The following SNX27 variants were observed in gnomAD, a reference collection of about 807,000 sequenced individuals.
SNX27 encodes sorting nexin-27.
Under a neutral mutation model 71.6 loss-of-function variants are expected in SNX27, and 22 were observed. The ratio of observed to expected loss-of-function variants is 0.31; its 90% CI spans 0.22 to 0.44. The LOEUF (loss-of-function observed/expected upper bound fraction) is 0.44, where lower values mean the gene tolerates loss of function less well. SNX27 is among the 20% of genes least tolerant of loss of function. The probability of loss-of-function intolerance (pLI) is 1.00; values close to 1 mark genes in which losing one functional copy is unlikely to be tolerated. For missense variants in SNX27, 531 were observed against 698.6 expected (o/e 0.76, Z 2.70); for synonymous variants, 269 against 277.2 (o/e 0.97, Z 0.29).
intron 2 of SNX27, among the ~76,000 whole-genome samples, chr1:151,654,728 T>G (rs900129675): frequency 2.0e-5 from 3 of 152,132 alleles, no homozygotes; most frequent in African/African-American, 7.2e-5. Context: ...TGTTATAACA[T>G]GAAGGAAGGC....
intron 5 of SNX27, among the ~76,000 whole-genome samples, chr1:151,665,030 C>T (rs1670130218): frequency 6.6e-6 from 1 of 152,096 alleles, no homozygotes. Context: ...CATATGTGAG[C>T]AGATATGAGA....
chr1:151,647,915 A>T (rs1355686124), intron 2 of SNX27, among the ~76,000 whole-genome samples: 1 of 152,108 alleles, frequency 6.6e-6, no homozygotes, highest in Non-Finnish European at 1.5e-5. Flanking sequence ...AGCAAGGTAT[A>T]TTTGGGGAGA....
intron 1 of SNX27, among the ~76,000 whole-genome samples, chr1:151,631,098 A>G (rs776069242): frequency 2.0e-5 from 3 of 152,254 alleles, no homozygotes; most frequent in Non-Finnish European, 2.9e-5. Context: ...TTAGATGAAA[A>G]GGAGACAAAC....
chr1:151,644,298 T>C (rs927287505), intron 2 of SNX27, among the ~76,000 whole-genome samples: 1 of 152,172 alleles, frequency 6.6e-6, no homozygotes, highest in Non-Finnish European at 1.5e-5. Context: ...TTTCCAAACC[T>C]CCCATCCCCT....
rs369713998 is a variant in SNX27, at chr1:151,638,963, C to T, written c.387C>T (p.Ile129=). The T allele has an allele frequency of 2.5e-6, 4 of 1,614,022 alleles. No homozygotes were observed. Among genetic ancestry groups the T allele is most frequent in the East Asian group, 2.2e-5 (1 of 44,898 alleles). ...TTCGAGCAGGCGAGAAGGAATTGAT[C>T]TTGACAGTGTTATCTGTACCTCCTC... ...DLIRAGEKEL[I]LTVLSVPPHE... is the part of the protein sequence containing the mutation. Residue 129 remains isoleucine, a synonymous_variant, in exon 2 of 12, where the codon ATC becomes ATT. Coordinates refer to ENST00000458013, the MANE Select transcript of SNX27 (RefSeq NM_001330723.2).
chr1:151,693,302 TGTCA>T (rs1671543567), intron 10 of SNX27, 118 bp from the exon 11 acceptor site: 1 of 1,073,034 alleles, frequency 9.3e-7, no homozygotes, highest in African/African-American at 1.6e-5. Context: ...TTATGGTACT[TGTCA>T]GGGTTTTTCT....
chr1:151,614,537 G>T (rs1339910898), intron 1 of SNX27: 2 of 152,134 alleles, frequency 1.3e-5, no homozygotes, highest in East Asian at 3.9e-4. Flanking sequence ...GGCCAGGCTG[G>T]TCTGAAACTC....
intron 7 of SNX27, among the ~76,000 whole-genome samples, chr1:151,674,496 GT>G (rs1293370680): frequency 1.3e-5 from 2 of 151,942 alleles, no homozygotes; most frequent in Non-Finnish European, 2.9e-5. Flanking sequence ...CTTTTTCCAT[GT>G]TTTCAAACCA....
At chr1:151,674,116 C>G (rs531295205) in intron 7 of SNX27, among the ~76,000 whole-genome samples, 1 of 151,700 alleles carries the variant, frequency 6.6e-6, no homozygotes, top group African/African-American at 2.4e-5. Flanking sequence ...TCATCTTTTC[C>G]TTCTTTCCTT....
At position 151,653,841 on chromosome 1, in the gene SNX27, T is replaced by TG. The variant is rs1478115267; in HGVS notation, c.544-4394_544-4393insG. Among the ~76,000 whole-genome samples the TG allele has an allele frequency of 4.1e-4, 61 of 149,572 alleles. 1 individual carries two copies. Among genetic ancestry groups the TG allele is most frequent in the Admixed American group, 3.9e-3 (58 of 15,044 alleles). On this transcript the variant is annotated intron_variant, in intron 2 of 11. Coordinates refer to ENST00000458013, the MANE Select transcript of SNX27 (RefSeq NM_001330723.2). ...CAGCCTGGAGAGTTTTTTTTGTTTT[T>TG]TTTTTTTTTTGAGATGGAGTCTTGC...
At chr1:151,633,803 T>A (rs1295684259) in intron 1 of SNX27, among the ~76,000 whole-genome samples, 1 of 152,216 alleles carries the variant, frequency 6.6e-6, no homozygotes, top group African/African-American at 2.4e-5. Context: ...GTTTTTCCTT[T>A]TTATTCCTTT....
chr1:151,658,113 A>T (rs970040318), intron 2 of SNX27, 122 bp from the exon 3 acceptor site: 2 of 837,494 alleles, frequency 2.4e-6, no homozygotes, highest in Non-Finnish European at 3.6e-6. Flanking sequence ...GTGAGCTTGA[A>T]TATAGTCTTT....
chr1:151,694,288 C>A, intron 11 of SNX27, 82 bp from the exon 12 acceptor site: 5 of 1,537,486 alleles, frequency 3.3e-6, no homozygotes, highest in Non-Finnish European at 4.4e-6. Flanking sequence ...CCAGGCATAC[C>A]TTTTTAGCTT....
intron 8 of SNX27, among the ~76,000 whole-genome samples, chr1:151,686,123 G>C (rs1671184292): frequency 6.6e-6 from 1 of 152,140 alleles, no homozygotes; most frequent in African/African-American, 2.4e-5. Context: ...GAGTTTTCTT[G>C]TTTCTGAAAA....
At chr1:151,618,700 A>G (rs1418650124) in intron 1 of SNX27, among the ~76,000 whole-genome samples, 1 of 152,210 alleles carries the variant, frequency 6.6e-6, no homozygotes, top group Non-Finnish European at 1.5e-5. Context: ...CAGACACTTA[A>G]CAATTTATGA....
Position 151,662,147 on chromosome 1 carries a change from T to G in SNX27, c.802-19T>G. On this transcript the variant is annotated intron_variant, in intron 4 of 11. Transcript: ENST00000458013. ...GATATACTGGGCCATAAATTATTTC[T>G]CTATGTCTTTTCCCCCAGAACTACA... 1 of 1,578,978 alleles carries G rather than the reference T, an allele frequency of 6.3e-7. No individual in the cohort carries two copies. Among genetic ancestry groups the G allele is most frequent in the Non-Finnish European group, 8.7e-7 (1 of 1,148,960 alleles).
At position 151,624,725 on chromosome 1, in the gene SNX27, C is replaced by G. The variant is rs906754395; in HGVS notation, c.311+12213C>G. Among the ~76,000 whole-genome samples, 35 of 152,154 alleles carry G rather than the reference C, an allele frequency of 2.3e-4. 1 individual carries two copies. Among genetic ancestry groups the G allele is most frequent in the African/African-American group, 8.4e-4 (35 of 41,530 alleles). ...GGGATTACAGACATGAGCCACCACGCCCGGCCAGCTTGATTATATTTTTAT... is the reference window on the plus strand; with the variant it reads ...GGGATTACAGACATGAGCCACCACGGCCGGCCAGCTTGATTATATTTTTAT... On this transcript the variant is annotated intron_variant, in intron 1 of 11. Transcript: ENST00000458013.
chr1:151,690,884 A>G (rs1360544276), intron 8 of SNX27, among the ~76,000 whole-genome samples: 1 of 152,228 alleles, frequency 6.6e-6, no homozygotes, highest in Non-Finnish European at 1.5e-5. Flanking sequence ...AAGGTTGCAC[A>G]GTTAGGAAGT....
intron 2 of SNX27, among the ~76,000 whole-genome samples, chr1:151,649,330 C>A (rs1371805438): frequency 6.6e-6 from 1 of 152,080 alleles, no homozygotes; most frequent in South Asian, 2.1e-4. Flanking sequence ...CCATTGTAAT[C>A]CCAGCACTTT....
Sources: allele counts gnomAD v4.1 joint callset (sites outside exome capture counted in the v4.1 genomes callset), GRCh38; gene constraint gnomAD v4.1.1; transcripts MANE v1.5; gene names NCBI Gene and HGNC (gene_info 2026-07-23, HGNC 2026-07-21).